The following ADGRE3 variants were observed in gnomAD, a reference collection of about 807,000 sequenced individuals.
ADGRE3 encodes the protein adhesion G protein-coupled receptor E3.
Under a neutral mutation model 80.1 loss-of-function variants are expected in ADGRE3, and 88 were observed. That is an observed-to-expected ratio of 1.10 (90% CI 0.93 to 1.31). ADGRE3 has a LOEUF of 1.31. Among genes scored for constraint, ADGRE3 ranks in the 40% most tolerant of loss-of-function variants. The probability of loss-of-function intolerance (pLI) is 0.00; values close to 1 mark genes in which losing one functional copy is unlikely to be tolerated. For missense variants in ADGRE3, 715 were observed against 776.5 expected (o/e 0.92, Z 0.94); for synonymous variants, 281 against 294.8 (o/e 0.95, Z 0.48).
intron 1 of ADGRE3, among the ~76,000 whole-genome samples, chr19:14,672,179 G>A (rs1040720230): frequency 1.3e-5 from 2 of 152,132 alleles, no homozygotes; most frequent in African/African-American, 4.8e-5. Flanking sequence ...GGCAGTCTGG[G>A]GGACCATCAT....
At chr19:14,612,945 T>A in the ADGRE3 span, among the ~76,000 whole-genome samples, 9,687 of 150,588 alleles carry the variant, frequency 0.064, 388 homozygotes, top group African/African-American at 0.11. Flanking sequence ...TTTTTTTTTG[T>A]GACAGAGTCT....
intron 11 of ADGRE3, among the ~76,000 whole-genome samples, chr19:14,636,778 G>A (rs375480281): frequency 6.6e-6 from 1 of 151,990 alleles, no homozygotes; most frequent in Non-Finnish European, 1.5e-5. Context: ...TGCTCTATAG[G>A]TAACAACTTA....
chr19:14,644,006 C>G (rs987414433), intron 9 of ADGRE3, 102 bp downstream of exon 9: 5 of 734,054 alleles, frequency 6.8e-6, no homozygotes, highest in African/African-American at 2.0e-5. Flanking sequence ...TCACCATGCT[C>G]GGCCTTTTTT....
chr19:14,630,168 C>G lies in ADGRE3; in HGVS notation c.1683G>C (p.Leu561=), dbSNP rs1970840565. Reference sequence around the variant, plus strand: ...GCAAGCCCAGACACCATGTGCAGCCCAGGATGAAGAGCTGAGCTGTTGCTT... The same window carrying G: ...GCAAGCCCAGACACCATGTGCAGCCGAGGATGAAGAGCTGAGCTGTTGCTT... The part of the protein sequence containing the change: ...AFKATAQLFI[L]GCTWCLGLLQ... Residue 561 remains leucine (L), a synonymous_variant, in exon 14 of 16, where the codon CTG becomes CTC. Coordinates refer to ENST00000253673, the MANE Select transcript of ADGRE3 (RefSeq NM_032571.5). 6.2e-7 allele frequency: 1 copy of G among 1,611,948 alleles called. No individual in the cohort carries two copies. The highest frequency in any genetic ancestry group is 1.3e-5 in the African/African-American group (1 of 74,992).
chr19:14,665,897 A>G (rs1228962181), intron 2 of ADGRE3, among the ~76,000 whole-genome samples: 8 of 134,212 alleles, frequency 6.0e-5, no homozygotes, highest in African/African-American at 1.9e-4. Context: ...TATAAATTAT[A>G]TATTTATACA....
intron 7 of ADGRE3, among the ~76,000 whole-genome samples, chr19:14,649,182 A>ACCTCTCTC (rs1971507326): frequency 1.4e-5 from 1 of 72,900 alleles, no homozygotes. Flanking sequence ...CTCTCTTTCC[A>ACCTCTCTC]CCTCTCTCCC....
chr19:14,660,699 C>A (rs1249098155), intron 4 of ADGRE3, among the ~76,000 whole-genome samples: 1 of 151,990 alleles, frequency 6.6e-6, no homozygotes, highest in African/African-American at 2.4e-5. Flanking sequence ...CAAGTCTCAT[C>A]TCTTTTCTCA....
Position 14,651,222 on chromosome 19 carries a change from G to A in ADGRE3, c.578-18C>T. On this transcript the variant is annotated intron_variant, in intron 6 of 15. Coordinates refer to ENST00000253673, the MANE Select transcript of ADGRE3 (RefSeq NM_032571.5). The stretch of plus-strand genomic sequence containing the variant: ...TTCAATAGCTGGTAAGAAAAGCAAT[G>A]GGCAGGCTTAGTGATATTGTAAGAA... 5.0e-6 allele frequency: 8 copies of A among 1,613,864 alleles called. No homozygotes were observed. Among genetic ancestry groups the A allele is most frequent in the Non-Finnish European group, 6.8e-6 (8 of 1,179,822 alleles).
At chr19:14,640,610 C>A (rs1971221535) in intron 10 of ADGRE3, among the ~76,000 whole-genome samples, 1 of 151,990 alleles carries the variant, frequency 6.6e-6, no homozygotes, top group African/African-American at 2.4e-5. Context: ...ACTTTAGATC[C>A]TCATTGGTCT....
chr19:14,628,521 T>G (rs1052865885), intron 14 of ADGRE3: 2 of 166,352 alleles, frequency 1.2e-5, no homozygotes, highest in African/African-American at 4.8e-5. Flanking sequence ...GTGAACCAAG[T>G]GGAGATGAGT....
At chr19:14,661,859 T>C in intron 4 of ADGRE3, 104 bp downstream of exon 4, 9 of 1,289,666 alleles carry the variant, frequency 7.0e-6, no homozygotes, top group Non-Finnish European at 9.9e-6. Flanking sequence ...CACTCCAGCC[T>C]GGGCTACAGA....
chr19:14,637,874 T>C (rs1026671526), intron 11 of ADGRE3, among the ~76,000 whole-genome samples: 2 of 152,004 alleles, frequency 1.3e-5, no homozygotes, highest in African/African-American at 4.8e-5. Flanking sequence ...CTTGGTGGAT[T>C]GGTACGTTAC....
chr19:14,643,048 C>G (rs1472880817), intron 9 of ADGRE3, among the ~76,000 whole-genome samples: 2 of 151,998 alleles, frequency 1.3e-5, no homozygotes, highest in Non-Finnish European at 2.9e-5. Context: ...ACCCCACCAA[C>G]AGTGTGTGTT....
intron 1 of ADGRE3, among the ~76,000 whole-genome samples, chr19:14,669,579 C>T (rs990789060): frequency 6.6e-6 from 1 of 152,154 alleles, no homozygotes; most frequent in Non-Finnish European, 1.5e-5. Flanking sequence ...ACCTCCACCT[C>T]CCAGGTTCAA....
intron 4 of ADGRE3, among the ~76,000 whole-genome samples, chr19:14,659,531 T>C (rs1271375612): frequency 7.2e-5 from 11 of 151,976 alleles, no homozygotes; most frequent in Non-Finnish European, 1.5e-4. Flanking sequence ...TGAGGACATC[T>C]CTGCTTTAGA....
At chr19:14,632,115 A>C (rs1313656656) in intron 13 of ADGRE3, among the ~76,000 whole-genome samples, 2 of 152,220 alleles carry the variant, frequency 1.3e-5, no homozygotes, top group African/African-American at 2.4e-5. Flanking sequence ...GATTGGAGAT[A>C]AACATTTAAA....
the ADGRE3 span, among the ~76,000 whole-genome samples, chr19:14,613,682 C>T: frequency 2.0e-5 from 3 of 151,474 alleles, no homozygotes; most frequent in South Asian, 2.1e-4. Flanking sequence ...TCTTTTATTT[C>T]GTTATTAAAA....
chr19:14,648,097 A>AAAG (rs1359294632), intron 7 of ADGRE3, among the ~76,000 whole-genome samples: 2 of 151,432 alleles, frequency 1.3e-5, no homozygotes, highest in African/African-American at 4.9e-5. Flanking sequence ...CAAAAAAAAA[A>AAAG]AAAAAAAAGA....
intron 3 of ADGRE3, 59 bp downstream of exon 3, chr19:14,663,359 T>A: frequency 9.0e-7 from 1 of 1,115,406 alleles, no homozygotes; most frequent in African/African-American, 1.6e-5. Context: ...AGCAAGACCC[T>A]GTCTCTAATA....
Sources: allele counts gnomAD v4.1 joint callset (sites outside exome capture counted in the v4.1 genomes callset), GRCh38; gene constraint gnomAD v4.1.1; transcripts MANE v1.5; gene names NCBI Gene and HGNC (gene_info 2026-07-23, HGNC 2026-07-21).